TMEM269: variants seen among roughly 807,000 people sequenced by gnomAD.
TMEM269 encodes the protein transmembrane protein 269.
In TMEM269, 12 loss-of-function variants were observed where a neutral mutation model predicts 15.8. That is an observed-to-expected ratio of 0.76 (90% confidence interval 0.49 to 1.23). The LOEUF (loss-of-function observed/expected upper bound fraction) is 1.23, where lower values mean the gene tolerates loss of function less well. Among genes scored for constraint, TMEM269 ranks in the 50% most tolerant of loss-of-function variants. TMEM269 has a pLI of 0.00. For missense variants in TMEM269, 211 were observed against 245.4 expected (o/e 0.86, Z 0.94); for synonymous variants, 93 against 99.3 (o/e 0.94, Z 0.38).
intron 1 of TMEM269, among the ~76,000 whole-genome samples, chr1:42,787,418 G>A (rs985458745): frequency 6.6e-6 from 1 of 151,338 alleles, no homozygotes; most frequent in Non-Finnish European, 1.5e-5. Context: ...GGCTAACAAG[G>A]TGAAACCCCG....
chr1:42,785,901 A>G (rs528615585), intron 1 of TMEM269, among the ~76,000 whole-genome samples: 5 of 152,112 alleles, frequency 3.3e-5, no homozygotes, highest in Admixed American at 3.3e-4. Context: ...CCAACATTAC[A>G]CTTGTCCCTA....
In TMEM269 at chr1:42,793,705, G is replaced by A. The variant is rs771249276; in HGVS notation, c.244G>A (p.Val82Met). 67 of 1,550,486 alleles carry A rather than the reference G, an allele frequency of 4.3e-5. No individual in the cohort carries two copies. The highest frequency in any genetic ancestry group is 5.7e-5 in the Non-Finnish European group (65 of 1,146,974). The change falls in exon 4 of 6, where the codon GTG becomes ATG. Residue 82 changes from valine (V) to methionine (M), a missense_variant. Val to Met is a conservative substitution (Grantham distance 21, BLOSUM62 1). Coordinates refer to ENST00000637012, the MANE Select transcript of TMEM269 (RefSeq NM_001354602.2). Reference sequence around the variant, plus strand: ...GAGTGGGATCCTGGCCATCATCTATGTGTCAGCTGCTTCTTTCCACTTGTG... The same window carrying A: ...GAGTGGGATCCTGGCCATCATCTATATGTCAGCTGCTTCTTTCCACTTGTG... ...LLSGILAIIY[V>M]SAASFHLCFY...
chr1:42,795,112 T>G (rs1467625686), intron 5 of TMEM269, among the ~76,000 whole-genome samples: 1 of 152,202 alleles, frequency 6.6e-6, no homozygotes, highest in African/African-American at 2.4e-5. Flanking sequence ...TACTTCAGGC[T>G]GGCATGATCT....
rs1461154391 is a variant in TMEM269 at position 42,799,893 on chromosome 1, GT to G, written c.*1672del. 2 of 152,140 alleles carry G rather than the reference GT, an allele frequency of 1.3e-5. No individual in the cohort carries two copies. Among genetic ancestry groups the G allele is most frequent in the African/African-American group, 4.8e-5 (2 of 41,418 alleles). The allele number at this position is 152,140 out of a possible 1,614,324, so 9.4% of individuals were successfully genotyped here. A position where few individuals can be genotyped will look rare whatever the true frequency, so the allele number is the denominator to read the frequency against. ...CACCACCACCAAAAGCGAAAAACAG[GT>G]TTTATTCTGAACTAAATTTTTTCCA... is the stretch of plus-strand genomic sequence containing the variant. On this transcript the variant is annotated 3_prime_UTR_variant, in exon 6 of 6. Transcript: ENST00000637012.
chr1:42,788,859 A>C lies in TMEM269; in HGVS notation c.-98-937A>C, dbSNP rs1260742970. ...CATCTCCTGAGGTTGTCAGGATCTG[A>C]GAAACAGACATGGGGATGGGAACAT... is the stretch of plus-strand genomic sequence containing the variant. On this transcript the variant is annotated intron_variant, in intron 1 of 5. Transcript: ENST00000637012. This position sits in a 1 kb window ranked among gnomAD's most constrained non-coding sequence, Gnocchi z 4.0. 2.6e-5 allele frequency among the ~76,000 whole-genome samples: 4 copies of C among 151,986 alleles called. No individual in the cohort carries two copies. The highest frequency in any genetic ancestry group is 5.9e-5 in the Non-Finnish European group (4 of 68,014).
In TMEM269 at chr1:42,793,725, C is replaced by G; in HGVS notation, c.264C>G (p.His88Gln). 6.4e-7 allele frequency: 1 copy of G among 1,550,440 alleles called. No homozygotes were observed. The highest frequency in any genetic ancestry group is 8.7e-7 in the Non-Finnish European group (1 of 1,146,896). ...TCTATGTGTCAGCTGCTTCTTTCCA[C>G]TTGTGCTTTTATTCACCTGGTGAGT... ...AIIYVSAASF[H>Q]LCFYSPGVPS... The change falls in exon 4 of 6, where the codon CAC (histidine) becomes CAG (glutamine). Residue 88 changes from histidine (H) to glutamine (Q), a missense_variant. Physicochemically the swap from His to Gln is conservative, Grantham distance 24 (BLOSUM62 0). Coordinates refer to ENST00000637012, the MANE Select transcript of TMEM269 (RefSeq NM_001354602.2).
intron 1 of TMEM269, among the ~76,000 whole-genome samples, chr1:42,785,737 T>G (rs1653529914): frequency 6.6e-6 from 1 of 152,378 alleles, no homozygotes; most frequent in East Asian, 1.9e-4. Flanking sequence ...CTCATCGTGC[T>G]TCCGCACCTG....
Position 42,798,217 on chromosome 1 carries a change from C to G in TMEM269, c.604C>G (p.Gln202Glu). ...LWGKAACLSP[Q>E]H ...GGGCAAGGCAGCCTGTCTTTCGCCA[C>G]AGCACTGAGGAAGCTAAGCAGCTCT... The change falls in exon 6 of 6, where the codon CAG (glutamine) becomes GAG (glutamate). Residue 202 changes from glutamine (Q) to glutamate (E), a missense_variant. Physicochemically the swap from Gln to Glu is conservative, Grantham distance 29. Transcript: ENST00000637012. The G allele has an allele frequency of 6.5e-7, 1 of 1,546,446 alleles. No homozygotes were observed. Among genetic ancestry groups the G allele is most frequent in the Non-Finnish European group, 8.7e-7 (1 of 1,146,986 alleles).
intron 1 of TMEM269, among the ~76,000 whole-genome samples, chr1:42,785,489 C>A (rs1405294471): frequency 1.3e-5 from 2 of 152,224 alleles, no homozygotes; most frequent in African/African-American, 4.8e-5. Context: ...CTGCTTTTCT[C>A]CTCACGTCCA....
chr1:42,787,473 G>A (rs1429257619), intron 1 of TMEM269, among the ~76,000 whole-genome samples: 5 of 151,604 alleles, frequency 3.3e-5, no homozygotes, highest in Admixed American at 1.3e-4. Flanking sequence ...GGTGGCGGGC[G>A]CCTGTAGTCC....
chr1:42,797,945 CT>C lies in TMEM269; in HGVS notation c.485-151del. 1.2e-6 allele frequency: 1 copy of C among 841,112 alleles called. No homozygotes were observed. The highest frequency in any genetic ancestry group is 1.7e-5 in the African/African-American group (1 of 59,136). The allele number at this position is 841,112 out of a possible 1,614,324, so 52.1% of individuals were successfully genotyped here. On this transcript the variant is annotated intron_variant, in intron 5 of 5. Coordinates refer to ENST00000637012, the MANE Select transcript of TMEM269 (RefSeq NM_001354602.2). The surrounding 1 kb of genome is among the most constrained non-coding windows in gnomAD (Gnocchi z 4.9). ...ACTTACCTATCTCTATTAAACTGAA[CT>C]TGAAGACAGGGCTCCTGTCTCTTTC...
At position 42,799,234 on chromosome 1, in the gene TMEM269, A is replaced by T. The variant is rs960355131; in HGVS notation, c.*1009A>T. On this transcript the variant is annotated 3_prime_UTR_variant, in exon 6 of 6. Transcript: ENST00000637012. ...TAAAATCCAAATCAAATAGAAATAA[A>T]CAGTACTGTATGGCAAAGGTGTACC... 2 of 151,892 alleles carry T rather than the reference A, an allele frequency of 1.3e-5. No individual in the cohort carries two copies. Among genetic ancestry groups the T allele is most frequent in the East Asian group, 3.9e-4 (2 of 5,178 alleles). The allele number at this position is 151,892 out of a possible 1,614,324, so 9.4% of individuals were successfully genotyped here.
intron 2 of TMEM269, 42 bp from the exon 3 acceptor site, chr1:42,792,763 C>A (rs917908775): frequency 2.2e-6 from 3 of 1,338,540 alleles, no homozygotes; most frequent in Non-Finnish European, 3.1e-6. Flanking sequence ...GTGGAAACTG[C>A]GAAAGTGCTT....
Position 42,794,421 on chromosome 1 carries a change from T to G in TMEM269, c.292T>G (p.Ser98Ala). ...HLCFYSPGVP[S>A]TYKGLPCPYA... Reference sequence around the variant, plus strand: ...AGCGTTCTTCCTGGCAGGAGTCCCCTCCACATACAAGGGTCTACCCTGCCC... The same window carrying G: ...AGCGTTCTTCCTGGCAGGAGTCCCCGCCACATACAAGGGTCTACCCTGCCC... The change falls in exon 5 of 6, where the codon TCC becomes GCC. Residue 98 changes from serine (S) to alanine (A), a missense_variant. Transcript: ENST00000637012. 6.4e-7 allele frequency: 1 copy of G among 1,550,412 alleles called. No individual in the cohort carries two copies. The highest frequency in any genetic ancestry group is 1.2e-5 in the South Asian group (1 of 84,050).
chr1:42,790,065 T>C, intron 2 of TMEM269, 131 bp downstream of exon 2: 1 of 675,804 alleles, frequency 1.5e-6, no homozygotes, highest in Non-Finnish European at 2.6e-6. Flanking sequence ...GTGCAGTGGC[T>C]TAGGAGTCAA....
intron 2 of TMEM269, among the ~76,000 whole-genome samples, chr1:42,791,292 CA>C (rs1415048193): frequency 6.6e-6 from 1 of 152,170 alleles, no homozygotes; most frequent in Non-Finnish European, 1.5e-5. Context: ...GCAGAGTACA[CA>C]TTCTTCTCAA....
At chr1:42,792,499 G>C (rs965711389) in intron 2 of TMEM269, among the ~76,000 whole-genome samples, 2 of 152,170 alleles carry the variant, frequency 1.3e-5, no homozygotes, top group Non-Finnish European at 2.9e-5. Flanking sequence ...CATCAAAAAT[G>C]CCTGGAAGTT....
intron 5 of TMEM269, 42 bp downstream of exon 5, chr1:42,794,655 G>A: frequency 7.2e-7 from 1 of 1,393,080 alleles, no homozygotes; most frequent in Non-Finnish European, 1.0e-6. Context: ...TATCACAGTT[G>A]CTTATTGCCA....
intron 5 of TMEM269, 87 bp downstream of exon 5, chr1:42,794,700 A>G (rs1653763028): frequency 1.1e-6 from 1 of 916,420 alleles, no homozygotes. Flanking sequence ...TATCTCTCTT[A>G]TTCTGCTTTA....
Sources: allele counts gnomAD v4.1 joint callset (sites outside exome capture counted in the v4.1 genomes callset), GRCh38; gene constraint gnomAD v4.1.1; non-coding constraint Gnocchi (gnomAD v3.1); transcripts MANE v1.5; gene names NCBI Gene and HGNC (gene_info 2026-07-23, HGNC 2026-07-21).